The following SLC39A11 variants were observed in gnomAD, a reference collection of about 807,000 sequenced individuals.
The protein encoded by SLC39A11 is solute carrier family 39 member 11.
Under a neutral mutation model 36.1 loss-of-function variants are expected in SLC39A11, and 33 were observed. The observed-to-expected ratio is 0.91, with a 90% CI of 0.69 to 1.22. The LOEUF is 1.22. Ranked by LOEUF, SLC39A11 falls within the 50% of genes most tolerant of loss-of-function variation. SLC39A11 has a pLI of 0.00. For missense variants in SLC39A11, 432 were observed against 430.3 expected, an observed-to-expected ratio of 1.00 and a Z score of -0.03; for synonymous variants, 166 against 170.3, an observed-to-expected ratio of 0.97 and a Z score of 0.20.
At chr17:72,881,176 A>G (rs1189766169) in intron 5 of SLC39A11, among the ~76,000 whole-genome samples, 2 of 152,132 alleles carry the variant, frequency 1.3e-5, no homozygotes, top group African/African-American at 4.8e-5. Flanking sequence ...CCCAAAAATG[A>G]CATCATATGT....
intron 5 of SLC39A11, among the ~76,000 whole-genome samples, chr17:72,881,955 T>C (rs1409548977): frequency 1.3e-5 from 2 of 152,222 alleles, no homozygotes; most frequent in East Asian, 3.8e-4. Flanking sequence ...TATTTCTCCA[T>C]CCCATGACAT....
intron 3 of SLC39A11, among the ~76,000 whole-genome samples, chr17:73,064,917 G>C (rs975687649): frequency 3.3e-5 from 5 of 152,110 alleles, no homozygotes; most frequent in Non-Finnish European, 5.9e-5. Flanking sequence ...GTTTGGCACT[G>C]TATCCCCCTA....
chr17:72,995,839 T>G (rs551100816), intron 4 of SLC39A11, among the ~76,000 whole-genome samples: 22 of 152,308 alleles, frequency 1.4e-4, no homozygotes, highest in African/African-American at 4.8e-4. Flanking sequence ...CAAACCAATT[T>G]CTTTAATAAA....
intron 6 of SLC39A11, among the ~76,000 whole-genome samples, chr17:72,780,956 C>A (rs2076296483): frequency 6.6e-6 from 1 of 152,156 alleles, no homozygotes; most frequent in Non-Finnish European, 1.5e-5. Context: ...CATTGCATTG[C>A]AGCCTGGGCA....
chr17:72,923,702 T>A (rs1022972102), intron 5 of SLC39A11, among the ~76,000 whole-genome samples: 1 of 152,140 alleles, frequency 6.6e-6, no homozygotes, highest in Non-Finnish European at 1.5e-5. Context: ...TACTATTAGG[T>A]CCATTTGACG....
intron 7 of SLC39A11, among the ~76,000 whole-genome samples, chr17:72,697,514 C>A (rs2072364110): frequency 6.6e-6 from 1 of 152,166 alleles, no homozygotes; most frequent in South Asian, 2.1e-4. Context: ...CACCCAATCT[C>A]CCACAATCTC....
At chr17:73,021,100 C>G (rs1298870913) in intron 4 of SLC39A11, among the ~76,000 whole-genome samples, 1 of 152,124 alleles carries the variant, frequency 6.6e-6, no homozygotes, top group Non-Finnish European at 1.5e-5. Flanking sequence ...TGACACCAGC[C>G]AGAACTGTTT....
intron 6 of SLC39A11, among the ~76,000 whole-genome samples, chr17:72,787,758 C>T (rs963557412): frequency 6.6e-6 from 1 of 152,270 alleles, no homozygotes; most frequent in African/African-American, 2.4e-5. Context: ...TCTAGCTAAA[C>T]TCACCTTTGT....
rs566679777 is a variant in SLC39A11 at position 72,937,344 on chromosome 17, A to G, written c.430+10408T>C. On this transcript the variant is annotated intron_variant, in intron 5 of 9. Coordinates refer to ENST00000255559, the MANE Select transcript of SLC39A11 (RefSeq NM_139177.4). ...GTAGCGCATGCCTGTAATCCCAGCT[A>G]CTCCGGAGACTGAGGCAGGAGAATC... Among the ~76,000 whole-genome samples the G allele has an allele frequency of 2.0e-5, 3 of 152,166 alleles. No homozygotes were observed. The East Asian group carries it at 5.8e-4, about 30-fold the overall frequency.
intron 7 of SLC39A11, among the ~76,000 whole-genome samples, chr17:72,729,028 T>A (rs2074045398): frequency 6.6e-6 from 1 of 152,000 alleles, no homozygotes; most frequent in Admixed American, 6.6e-5. Flanking sequence ...AGCAGTGGGG[T>A]GGGCTGTAAA....
intron 4 of SLC39A11, among the ~76,000 whole-genome samples, chr17:73,002,268 T>C (rs769587526): frequency 3.9e-5 from 6 of 152,164 alleles, no homozygotes; most frequent in Non-Finnish European, 7.3e-5. Context: ...GCTCATTTAA[T>C]CCTTATAACA....
chr17:72,704,687 C>A (rs1005249396), intron 7 of SLC39A11, among the ~76,000 whole-genome samples: 3 of 148,038 alleles, frequency 2.0e-5, no homozygotes, highest in Admixed American at 7.0e-5. Flanking sequence ...GGTCCCCTCT[C>A]ATACCTTAGC....
intron 3 of SLC39A11, among the ~76,000 whole-genome samples, chr17:73,056,075 G>T (rs12949648): frequency 2.0e-5 from 3 of 152,058 alleles, no homozygotes; most frequent in Admixed American, 6.6e-5. Flanking sequence ...CCCCTGGAGG[G>T]CACAGGAGAG....
chr17:72,960,380 T>A (rs1023977145), intron 4 of SLC39A11, among the ~76,000 whole-genome samples: 72 of 152,340 alleles, frequency 4.7e-4, no homozygotes, highest in African/African-American at 1.7e-3. Context: ...GCCTCTTGTA[T>A]ACATAGGTAG....
At chr17:73,000,981 C>T (rs2089788341) in intron 4 of SLC39A11, among the ~76,000 whole-genome samples, 1 of 152,168 alleles carries the variant, frequency 6.6e-6, no homozygotes, top group Admixed American at 6.5e-5. Context: ...TAATTCATTC[C>T]TATAGTATCT....
At chr17:72,968,860 C>T (rs2148018525) in intron 4 of SLC39A11, among the ~76,000 whole-genome samples, 1 of 152,118 alleles carries the variant, frequency 6.6e-6, no homozygotes, top group East Asian at 1.9e-4. Flanking sequence ...ATTTTTTATT[C>T]TTTTTTTTCT....
chr17:73,036,066 A>G lies in SLC39A11; in HGVS notation c.148-4352T>C, dbSNP rs572215108. ...CAACTTCTCCTCCAAATCCTCCAAGAGGAACCCAGCCCTGCTGCCACCTTG... is the reference window on the plus strand; with the variant it reads ...CAACTTCTCCTCCAAATCCTCCAAGGGGAACCCAGCCCTGCTGCCACCTTG... On this transcript the variant is annotated intron_variant, in intron 3 of 9. Transcript: ENST00000255559. Among the ~76,000 whole-genome samples the G allele has an allele frequency of 3.3e-5, 5 of 152,272 alleles. No individual in the cohort carries two copies. The South Asian group carries it at 1.0e-3, about 32-fold the overall frequency.
At chr17:72,847,824 G>T (rs1010486921) in intron 6 of SLC39A11, among the ~76,000 whole-genome samples, 1 of 152,188 alleles carries the variant, frequency 6.6e-6, no homozygotes, top group Admixed American at 6.5e-5. Context: ...ATCAACATCT[G>T]CAGAAGCTTT....
At chr17:72,655,479 T>C (rs1333009553) in intron 7 of SLC39A11, among the ~76,000 whole-genome samples, 1 of 152,134 alleles carries the variant, frequency 6.6e-6, no homozygotes, top group African/African-American at 2.4e-5. Context: ...TTTATTGCCG[T>C]GGCATTGGGC....
Sources: allele counts gnomAD v4.1 joint callset (sites outside exome capture counted in the v4.1 genomes callset), GRCh38; gene constraint gnomAD v4.1.1; transcripts MANE v1.5; gene names NCBI Gene and HGNC (gene_info 2026-07-23, HGNC 2026-07-21).